NAV2: variants seen among roughly 807,000 people sequenced by gnomAD.
NAV2 encodes the protein neuron navigator 2, also known as helicase, APC down-regulated 1.
A neutral mutation model predicts 223.2 loss-of-function variants in NAV2; 54 were observed. The observed-to-expected ratio is 0.24, with a 90% CI of 0.19 to 0.30. The LOEUF (loss-of-function observed/expected upper bound fraction) is 0.30. Among genes scored for constraint, NAV2 ranks in the 10% least tolerant of loss-of-function variants. NAV2 has a pLI of 1.00. For missense variants in NAV2, 2,806 were observed against 3,147.5 expected (o/e 0.89, Z 2.60); for synonymous variants, 1,279 against 1,239.3 (o/e 1.03, Z -0.67).
intron 1 of NAV2, among the ~76,000 whole-genome samples, chr11:19,760,788 G>A (rs1198048055): frequency 1.3e-5 from 2 of 152,144 alleles, no homozygotes; most frequent in Admixed American, 6.5e-5. Context: ...GTTGACTTTG[G>A]CCCTGAGCTC....
intron 1 of NAV2, among the ~76,000 whole-genome samples, chr11:19,650,415 G>A (rs1208371794): frequency 6.6e-6 from 1 of 152,108 alleles, no homozygotes; most frequent in East Asian, 1.9e-4. Context: ...AGAGAGCGTG[G>A]CCCTGCTAAC....
chr11:19,711,942 G>A (rs2049899660), upstream of NAV2: 1 of 152,244 alleles, frequency 6.6e-6, no homozygotes, highest in Middle Eastern at 3.1e-3. Context: ...AATCCAAGCA[G>A]TTCTACAGGG....
intron 1 of NAV2, among the ~76,000 whole-genome samples, chr11:19,794,193 C>T (rs963177194): frequency 3.3e-5 from 5 of 152,162 alleles, no homozygotes; most frequent in Non-Finnish European, 5.9e-5. Flanking sequence ...TGACAAATGA[C>T]TTGAGCAGGG....
At chr11:20,062,920 C>A (rs547977125) in intron 20 of NAV2, among the ~76,000 whole-genome samples, 31 of 152,290 alleles carry the variant, frequency 2.0e-4, no homozygotes, top group African/African-American at 6.3e-4. Context: ...GTCTCAAACT[C>A]CTGACCTTGT....
chr11:19,476,375 T>C (rs1252310073), intron 1 of NAV2, among the ~76,000 whole-genome samples: 3 of 152,188 alleles, frequency 2.0e-5, no homozygotes, highest in Admixed American at 2.0e-4. Flanking sequence ...AGAGACTTTT[T>C]TTTTTCCCCT....
chr11:20,063,850 G>A lies in NAV2; in HGVS notation c.4884+1491G>A, dbSNP rs540780881. Among the ~76,000 whole-genome samples, 3 of 152,278 alleles carry A rather than the reference G, an allele frequency of 2.0e-5. No individual in the cohort carries two copies. In the South Asian group the frequency reaches 6.2e-4, roughly 32 times the overall value. ...GTTTCTATATAGCAGAATACACTGT[G>A]TATAGCTCCTGGAAAATAAGAGGAC... is the stretch of plus-strand genomic sequence containing the variant. On this transcript the variant is annotated intron_variant, in intron 20 of 37. Coordinates refer to ENST00000349880, the MANE Select transcript of NAV2 (RefSeq NM_145117.5).
chr11:19,667,271 T>A (rs1475188422), intron 1 of NAV2, among the ~76,000 whole-genome samples: 1 of 152,240 alleles, frequency 6.6e-6, no homozygotes, highest in Non-Finnish European at 1.5e-5. Flanking sequence ...CTTTGCTAGA[T>A]CCCGTTGTAG....
intron 11 of NAV2, among the ~76,000 whole-genome samples, chr11:20,014,524 G>T (rs1379878660): frequency 6.6e-6 from 1 of 152,152 alleles, no homozygotes; most frequent in East Asian, 1.9e-4. Context: ...GGAGGCCAGG[G>T]TGAGAGGATT....
intron 11 of NAV2, among the ~76,000 whole-genome samples, chr11:20,014,400 A>C: frequency 6.6e-6 from 1 of 152,204 alleles, no homozygotes; most frequent in East Asian, 1.9e-4. Context: ...CAGCACCCTT[A>C]ATAAAATATA....
intron 1 of NAV2, among the ~76,000 whole-genome samples, chr11:19,617,020 G>C (rs2046818459): frequency 6.6e-6 from 1 of 151,926 alleles, no homozygotes; most frequent in Non-Finnish European, 1.5e-5. Context: ...GGCTCATTTG[G>C]GGGCCTAAAT....
intron 1 of NAV2, among the ~76,000 whole-genome samples, chr11:19,567,276 A>G (rs2045296779): frequency 6.6e-6 from 1 of 152,194 alleles, no homozygotes; most frequent in Non-Finnish European, 1.5e-5. Context: ...ACACTGGGTG[A>G]GGATTGGAGG....
chr11:20,078,074 G>A lies in NAV2; in HGVS notation c.5149G>A (p.Val1717Ile). The A allele has an allele frequency of 6.2e-7, 1 of 1,613,502 alleles. No homozygotes were observed. ...NAAAQAAING[V>I]INTPELNCKG... ...AGCTGCCCAGGCTGCCATTAATGGA[G>A]TAATTAACACACCTGAGCTCAACTG... Residue 1717 changes from valine to isoleucine, a missense_variant, in exon 24 of 38, where the codon GTA becomes ATA. Val to Ile is a conservative substitution (Grantham distance 29). Coordinates refer to ENST00000349880, the MANE Select transcript of NAV2 (RefSeq NM_145117.5).
At chr11:19,646,140 A>G (rs1253544645) in intron 1 of NAV2, among the ~76,000 whole-genome samples, 1 of 152,230 alleles carries the variant, frequency 6.6e-6, no homozygotes, top group African/African-American at 2.4e-5. Flanking sequence ...ATGGGGTTGA[A>G]TGAGAGGCCA....
At chr11:19,690,845 A>G (rs972245554) in intron 1 of NAV2, among the ~76,000 whole-genome samples, 1 of 152,186 alleles carries the variant, frequency 6.6e-6, no homozygotes, top group Non-Finnish European at 1.5e-5. Context: ...CCAGTGGCTT[A>G]CCCAAAGTCA....
chr11:19,747,050 C>G (rs1296155064), intron 1 of NAV2, among the ~76,000 whole-genome samples: 1 of 77,054 alleles, frequency 1.3e-5, no homozygotes, highest in Non-Finnish European at 2.5e-5. Flanking sequence ...CCCCTCCCCC[C>G]ACCCCACAAC....
chr11:19,987,223 CTGTTCT>C (rs539835317), intron 11 of NAV2, among the ~76,000 whole-genome samples: 5 of 152,200 alleles, frequency 3.3e-5, no homozygotes, highest in Non-Finnish European at 7.3e-5. Context: ...TTCGATAATA[CTGTTCT>C]TGTCCCTGTA....
chr11:19,359,471 A>T (rs1853808373), intron 1 of NAV2, among the ~76,000 whole-genome samples: 1 of 152,166 alleles, frequency 6.6e-6, no homozygotes, highest in South Asian at 2.1e-4. Flanking sequence ...GCTCAGATGT[A>T]CCCAAAAGGG....
intron 4 of NAV2, 23 bp from the exon 5 acceptor site, chr11:19,879,846 A>C (rs1259479423): frequency 6.2e-7 from 1 of 1,613,826 alleles, no homozygotes; most frequent in East Asian, 2.2e-5. Context: ...CCATCTGACA[A>C]GAGTCTCTTT....
chr11:20,032,892 G>A (rs1022793355), intron 11 of NAV2, among the ~76,000 whole-genome samples: 3 of 152,332 alleles, frequency 2.0e-5, no homozygotes, highest in Middle Eastern at 3.4e-3. Context: ...TGGAAGGCAC[G>A]TGGTCCACCG....
Sources: allele counts gnomAD v4.1 joint callset (sites outside exome capture counted in the v4.1 genomes callset), GRCh38; gene constraint gnomAD v4.1.1; transcripts MANE v1.5; gene names NCBI Gene and HGNC (gene_info 2026-07-23, HGNC 2026-07-21).